The following RASGRF2 variants were observed in gnomAD, a reference collection of about 807,000 sequenced individuals.
The protein encoded by RASGRF2 is Ras protein specific guanine nucleotide releasing factor 2, also known as ras-specific guanine nucleotide-releasing factor 2.
In RASGRF2, 76 loss-of-function variants were observed where a neutral mutation model predicts 151.0. That is an observed-to-expected ratio of 0.50 (90% CI 0.42 to 0.61). The LOEUF (loss-of-function observed/expected upper bound fraction) is 0.61, where lower values mean the gene tolerates loss of function less well. Among genes scored for constraint, RASGRF2 ranks in the 20% least tolerant of loss-of-function variants. The pLI is 0.00. For missense variants in RASGRF2, 1,148 were observed against 1,564.6 expected (o/e 0.73, Z 4.49); for synonymous variants, 504 against 566.5 (o/e 0.89, Z 1.57).
chr5:81,136,748 C>G (rs529886911), intron 17 of RASGRF2, among the ~76,000 whole-genome samples: 4 of 151,976 alleles, frequency 2.6e-5, no homozygotes, highest in Admixed American at 1.3e-4. Flanking sequence ...TTTGTTATAC[C>G]CTTTGAAATT....
intron 17 of RASGRF2, among the ~76,000 whole-genome samples, chr5:81,171,757 T>C (rs1218860547): frequency 6.6e-6 from 1 of 152,228 alleles, no homozygotes; most frequent in African/African-American, 2.4e-5. Flanking sequence ...TGTTGTCACC[T>C]TTCTGCTTCT....
intron 23 of RASGRF2, among the ~76,000 whole-genome samples, chr5:81,212,779 C>T (rs909034577): frequency 6.6e-6 from 1 of 152,128 alleles, no homozygotes; most frequent in Non-Finnish European, 1.5e-5. Context: ...TTTTGGGGGA[C>T]AGCCACAAAC....
chr5:80,971,794 G>A (rs944674052), intron 1 of RASGRF2, among the ~76,000 whole-genome samples: 7 of 151,708 alleles, frequency 4.6e-5, no homozygotes, highest in Admixed American at 2.0e-4. Flanking sequence ...GGTCTCAACC[G>A]CCTGGGCTCA....
chr5:81,037,005 A>G (rs1750521473), intron 1 of RASGRF2, among the ~76,000 whole-genome samples: 2 of 152,212 alleles, frequency 1.3e-5, no homozygotes, highest in South Asian at 4.1e-4. Context: ...CCTCACAATC[A>G]TGGCAGAAGA....
At chr5:81,026,360 C>T (rs936155203) in intron 1 of RASGRF2, among the ~76,000 whole-genome samples, 9 of 151,964 alleles carry the variant, frequency 5.9e-5, no homozygotes, top group Non-Finnish European at 1.2e-4. Flanking sequence ...TCCCTAGGGC[C>T]AAGACTCTGC....
chr5:81,067,030 A>G (rs1751628415), intron 2 of RASGRF2, among the ~76,000 whole-genome samples: 1 of 152,184 alleles, frequency 6.6e-6, no homozygotes, highest in African/African-American at 2.4e-5. Flanking sequence ...AAGAACATGG[A>G]CTTCGGGTCA....
At chr5:81,055,775 T>A (rs1378938325) in intron 2 of RASGRF2, among the ~76,000 whole-genome samples, 5 of 152,192 alleles carry the variant, frequency 3.3e-5, no homozygotes, top group Non-Finnish European at 4.4e-5. Context: ...TTTTTTTGGT[T>A]GGTAGGCTAT....
chr5:81,216,154 T>G (rs976255198), intron 24 of RASGRF2, among the ~76,000 whole-genome samples, 199 bp downstream of exon 24: 1 of 152,196 alleles, frequency 6.6e-6, no homozygotes, highest in African/African-American at 2.4e-5. Context: ...CTTATGGATA[T>G]ACTCATGGCA....
intron 1 of RASGRF2, among the ~76,000 whole-genome samples, chr5:81,007,872 G>C (rs1181115651): frequency 6.6e-6 from 1 of 152,028 alleles, no homozygotes; most frequent in African/African-American, 2.4e-5. Context: ...TTTGGGAGGG[G>C]GTGAACTGAA....
rs1175704824 is a variant in RASGRF2 at position 81,228,274 on chromosome 5, G to A, written c.*2504G>A. On this transcript the variant is annotated 3_prime_UTR_variant, in exon 27 of 27. Transcript: ENST00000265080. The stretch of plus-strand genomic sequence containing the variant: ...TTCTGGAGTCTGCAGCCTTCCTGGA[G>A]CTGCAAGAGGGCAAGAGAGAGAGCT... 1 of 152,256 alleles carries A rather than the reference G, an allele frequency of 6.6e-6. No homozygotes were observed. Among genetic ancestry groups the A allele is most frequent in the Non-Finnish European group, 1.5e-5 (1 of 68,084 alleles). The allele number at this position is 152,256 out of a possible 1,614,324, so 9.4% of individuals were successfully genotyped here. A position where few individuals can be genotyped will look rare whatever the true frequency, so the allele number is the denominator to read the frequency against.
chr5:81,112,142 C>T (rs1018249425), intron 13 of RASGRF2, among the ~76,000 whole-genome samples: 2 of 152,152 alleles, frequency 1.3e-5, no homozygotes, highest in African/African-American at 4.8e-5. Flanking sequence ...CCTGCCTATG[C>T]CTATATGTCT....
At chr5:81,202,372 T>C (rs1158069031) in intron 19 of RASGRF2, among the ~76,000 whole-genome samples, 1 of 152,204 alleles carries the variant, frequency 6.6e-6, no homozygotes, top group Non-Finnish European at 1.5e-5. Flanking sequence ...CCTTGTTACA[T>C]GTTATCCAGA....
intron 1 of RASGRF2, among the ~76,000 whole-genome samples, chr5:80,984,141 A>G (rs1748402001): frequency 6.6e-6 from 1 of 152,158 alleles, no homozygotes; most frequent in Admixed American, 6.5e-5. Flanking sequence ...GCTCACTGCA[A>G]CCTCTGCCTC....
intron 13 of RASGRF2, among the ~76,000 whole-genome samples, chr5:81,111,285 G>A (rs371656178): frequency 9.9e-5 from 15 of 152,266 alleles, no homozygotes; most frequent in East Asian, 3.9e-4. Context: ...TGCAGTGAAG[G>A]TGAACAAGGG....
chr5:80,968,043 G>A (rs941618214), intron 1 of RASGRF2, among the ~76,000 whole-genome samples: 4 of 152,232 alleles, frequency 2.6e-5, no homozygotes. Flanking sequence ...TCCCTGCCTG[G>A]AATATGGAGA....
At chr5:81,170,126 C>G (rs1174473427) in intron 17 of RASGRF2, among the ~76,000 whole-genome samples, 15 of 151,562 alleles carry the variant, frequency 9.9e-5, no homozygotes, top group Middle Eastern at 6.9e-3. Flanking sequence ...ACCAGCATCA[C>G]CTGCACCACC....
chr5:81,112,616 T>A lies in RASGRF2; in HGVS notation c.1845T>A (p.Asp615Glu). ...TTCCTGCCTTTGCACGTAGGTCTGA[T>A]GCCCGTCTTCATAAAGACGACACTG... Reference protein sequence around the residue: ...KVTVPHMIKSDARLHKDDTDI... With the variant: ...KVTVPHMIKSEARLHKDDTDI... The change falls in exon 14 of 27, where the codon GAT becomes GAA. Residue 615 changes from aspartate to glutamate, a missense_variant. Coordinates refer to ENST00000265080, the MANE Select transcript of RASGRF2 (RefSeq NM_006909.3). 1 of 1,614,214 alleles carries A rather than the reference T, an allele frequency of 6.2e-7. No homozygotes were observed. The highest frequency in any genetic ancestry group is 8.5e-7 in the Non-Finnish European group (1 of 1,180,036).
intron 17 of RASGRF2, among the ~76,000 whole-genome samples, chr5:81,167,538 G>C (rs775802285): frequency 6.6e-6 from 1 of 152,216 alleles, no homozygotes; most frequent in Non-Finnish European, 1.5e-5. Context: ...GGGTTTCACT[G>C]CACACATCAG....
chr5:81,161,601 G>T (rs1754385278), intron 17 of RASGRF2, among the ~76,000 whole-genome samples: 1 of 152,190 alleles, frequency 6.6e-6, no homozygotes, highest in Non-Finnish European at 1.5e-5. Context: ...TCCCTCAGGA[G>T]AACATGCTAT....
Sources: allele counts gnomAD v4.1 joint callset (sites outside exome capture counted in the v4.1 genomes callset), GRCh38; gene constraint gnomAD v4.1.1; transcripts MANE v1.5; gene names NCBI Gene and HGNC (gene_info 2026-07-23, HGNC 2026-07-21).